EPS15: variants seen among roughly 807,000 people sequenced by gnomAD.
The protein encoded by EPS15 is epidermal growth factor receptor substrate 15.
In EPS15, 72 loss-of-function variants were observed where a neutral mutation model predicts 113.8. That is an observed-to-expected ratio of 0.63 (90% CI 0.52 to 0.77). The LOEUF is 0.77. Among genes scored for constraint, EPS15 ranks in the 30% least tolerant of loss-of-function variants. The pLI is 0.00. For missense variants in EPS15, 1,048 were observed against 1,045.8 expected (o/e 1.00, Z -0.03); for synonymous variants, 344 against 363.4 (o/e 0.95, Z 0.61).
At chr1:51,457,867 C>A (rs541385189) in intron 8 of EPS15, 1 of 151,398 alleles carries the variant, frequency 6.6e-6, no homozygotes, top group Admixed American at 6.6e-5. Context: ...AACTGGGAGG[C>A]GGGGTAAGGG....
intron 13 of EPS15, among the ~76,000 whole-genome samples, chr1:51,416,798 TATC>T (rs915091044): frequency 1.3e-5 from 2 of 151,422 alleles, no homozygotes; most frequent in Non-Finnish European, 2.9e-5. Context: ...GATGCAAACA[TATC>T]ATGTTAATAG....
chr1:51,505,062 G>C (rs1489022387), intron 1 of EPS15, among the ~76,000 whole-genome samples: 2 of 151,908 alleles, frequency 1.3e-5, no homozygotes, highest in Non-Finnish European at 2.9e-5. Flanking sequence ...AGAGGTTGCA[G>C]TGAGCCATGA....
intron 1 of EPS15, among the ~76,000 whole-genome samples, chr1:51,511,439 G>A (rs978099252): frequency 6.6e-6 from 1 of 152,056 alleles, no homozygotes; most frequent in Non-Finnish European, 1.5e-5. Flanking sequence ...AGGTTGCAGT[G>A]AGCCAAGATC....
intron 22 of EPS15, 121 bp from the exon 23 acceptor site, chr1:51,364,149 G>A (rs1354800905): frequency 2.5e-6 from 2 of 786,906 alleles, no homozygotes; most frequent in Non-Finnish European, 3.6e-6. Context: ...TGAGAACACT[G>A]AAATTTTAAC....
intron 12 of EPS15, among the ~76,000 whole-genome samples, chr1:51,422,407 C>T (rs1052923380): frequency 1.3e-5 from 2 of 152,148 alleles, no homozygotes; most frequent in Admixed American, 1.3e-4. Flanking sequence ...TTTGCTCTAT[C>T]AAAAATTACA....
At chr1:51,396,287 T>A (rs1647932638) in intron 20 of EPS15, among the ~76,000 whole-genome samples, 2 of 152,188 alleles carry the variant, frequency 1.3e-5, no homozygotes, top group Admixed American at 1.3e-4. Flanking sequence ...ACATAACAAG[T>A]CACCAAGTAC....
chr1:51,515,466 T>A (rs1364267267), intron 1 of EPS15, among the ~76,000 whole-genome samples: 1 of 151,184 alleles, frequency 6.6e-6, no homozygotes, highest in Non-Finnish European at 1.5e-5. Flanking sequence ...AGTGTGATCC[T>A]GTCTCAAAAC....
chr1:51,475,409 T>C (rs1219122410), intron 2 of EPS15, among the ~76,000 whole-genome samples: 4 of 152,198 alleles, frequency 2.6e-5, no homozygotes, highest in Non-Finnish European at 1.5e-5. Context: ...TGGGTTTTAT[T>C]TGCATTTCTC....
chr1:51,395,089 G>A (rs768038062), intron 20 of EPS15, among the ~76,000 whole-genome samples: 42 of 152,098 alleles, frequency 2.8e-4, no homozygotes, highest in Middle Eastern at 3.4e-3. Flanking sequence ...TCAAATCCTG[G>A]CCTCAAGAAA....
intron 1 of EPS15, among the ~76,000 whole-genome samples, chr1:51,508,338 G>GAAAGAGAA (rs745757925): frequency 2.5e-5 from 3 of 122,248 alleles, no homozygotes; most frequent in Non-Finnish European, 3.4e-5. Context: ...AAGAGAAAGA[G>GAAAGAGAA]AGAAAGAAAG....
chr1:51,495,337 ATTTATT>A (rs1226646182), intron 1 of EPS15, among the ~76,000 whole-genome samples: 2 of 150,834 alleles, frequency 1.3e-5, no homozygotes, highest in Non-Finnish European at 3.0e-5. Flanking sequence ...AGTGAGTTTT[ATTTATT>A]TTTATTTTTA....
In EPS15 at chr1:51,366,036, T is replaced by C. The variant is rs769504692; in HGVS notation, c.2120-7A>G. The C allele has an allele frequency of 7.5e-6, 12 of 1,601,968 alleles. No individual in the cohort carries two copies. Among genetic ancestry groups the C allele is most frequent in the East Asian group, 4.5e-5 (2 of 44,758 alleles). ...GAAGCAAAGGGGTCTGTGGCTAAAA[T>C]GAATAAAGAAAATAAATGAAACAGG... On this transcript the variant is annotated splice_region_variant and splice_polypyrimidine_tract_variant and intron_variant, in intron 21 of 24. Coordinates refer to ENST00000371733, the MANE Select transcript of EPS15 (RefSeq NM_001981.3).
chr1:51,438,459 T>G (rs561697936), intron 12 of EPS15, among the ~76,000 whole-genome samples: 2 of 152,314 alleles, frequency 1.3e-5, no homozygotes, highest in East Asian at 3.9e-4. Flanking sequence ...GCATTTTTTC[T>G]ATGATGCTCT....
chr1:51,475,200 A>C (rs1317662559), intron 2 of EPS15, among the ~76,000 whole-genome samples: 1 of 152,184 alleles, frequency 6.6e-6, no homozygotes, highest in Non-Finnish European at 1.5e-5. Context: ...TATACTCAGT[A>C]ATGGGACGGC....
chr1:51,436,391 T>C (rs1652153542), intron 12 of EPS15, among the ~76,000 whole-genome samples: 1 of 141,292 alleles, frequency 7.1e-6, no homozygotes. Context: ...AGGCTAAAAC[T>C]AAGAAGGAAA....
intron 8 of EPS15, 58 bp from the exon 9 acceptor site, chr1:51,448,193 GA>G (rs1206006231): frequency 1.0e-6 from 1 of 974,830 alleles, no homozygotes; most frequent in Non-Finnish European, 1.6e-6. Flanking sequence ...TCCACCCACT[GA>G]ATTGATTATT....
At chr1:51,472,360 T>C (rs955347682) in intron 3 of EPS15, among the ~76,000 whole-genome samples, 4 of 152,248 alleles carry the variant, frequency 2.6e-5, no homozygotes, top group Admixed American at 1.3e-4. Flanking sequence ...GTTGAGATGA[T>C]TGATATTTGT....
At chr1:51,497,811 T>C (rs1479213063) in intron 1 of EPS15, among the ~76,000 whole-genome samples, 2 of 152,144 alleles carry the variant, frequency 1.3e-5, no homozygotes, top group East Asian at 3.9e-4. Flanking sequence ...ACACCATCTC[T>C]ACTAAAAATA....
In EPS15 at chr1:51,503,006, C is replaced by CAAAAAAAAAAAA. The variant is rs56340331; in HGVS notation, c.33+16181_33+16192dup. 8.0e-3 allele frequency among the ~76,000 whole-genome samples: 541 copies of CAAAAAAAAAAAA among 67,328 alleles called. 1 individual carries two copies. The highest frequency in any genetic ancestry group is 0.015 in the African/African-American group (305 of 19,866). 44.2% of individuals were successfully genotyped at this position (67,328 alleles called of 152,430 possible). ...TGGGCGACAGAGTGAGACTCTGTCT[C>CAAAAAAAAAAAA]AAAAAAAAAAAAAAAAGAATTCCAT... On this transcript the variant is annotated intron_variant, in intron 1 of 24. Transcript: ENST00000371733.
Sources: allele counts gnomAD v4.1 joint callset (sites outside exome capture counted in the v4.1 genomes callset), GRCh38; gene constraint gnomAD v4.1.1; transcripts MANE v1.5; gene names NCBI Gene and HGNC (gene_info 2026-07-23, HGNC 2026-07-21).